Variants in SH3PXD2A observed in about 807,000 individuals in gnomAD.
SH3PXD2A encodes SH3 and PX domains 2A, also known as SH3 and PX domain-containing protein 2A.
In SH3PXD2A, 32 loss-of-function variants were observed where a neutral mutation model predicts 115.2. The ratio of observed to expected loss-of-function variants is 0.28; its 90% confidence interval spans 0.21 to 0.37. SH3PXD2A has a LOEUF of 0.37. SH3PXD2A is among the 10% of genes least tolerant of loss of function. The pLI, the probability that SH3PXD2A is intolerant of heterozygous loss-of-function variation, is 1.00. For missense variants in SH3PXD2A, 1,328 were observed against 1,498.7 expected (o/e 0.89, Z 1.88); for synonymous variants, 610 against 629.1 (o/e 0.97, Z 0.45).
intron 1 of SH3PXD2A, among the ~76,000 whole-genome samples, chr10:103,825,926 G>A (rs543576621): frequency 1.3e-5 from 2 of 152,142 alleles, no homozygotes; most frequent in South Asian, 2.1e-4. Flanking sequence ...ACCACGCCCG[G>A]CTAATTTTTT....
At position 103,701,882 on chromosome 10, in the gene SH3PXD2A, C is replaced by G. The variant is rs562008982; in HGVS notation, c.399-8826G>C. ...CATTTACCATCTATCCATCTATCAT[C>G]CATCCATCCATCCACCATCCAGCCA... On this transcript the variant is annotated intron_variant, in intron 5 of 14. Transcript: ENST00000369774. Among the ~76,000 whole-genome samples, 770 of 151,124 alleles carry G rather than the reference C, an allele frequency of 5.1e-3. 4 individuals are homozygous for G. The highest frequency in any genetic ancestry group is 9.5e-3 in the Non-Finnish European group (644 of 67,742).
intron 12 of SH3PXD2A, 138 bp from the exon 13 acceptor site, chr10:103,611,768 T>C: frequency 2.7e-6 from 2 of 730,436 alleles, no homozygotes; most frequent in Non-Finnish European, 4.9e-6. Flanking sequence ...GACTTGACAC[T>C]CTAAGTCACT....
At chr10:103,705,220 A>C (rs1372586862) in intron 5 of SH3PXD2A, among the ~76,000 whole-genome samples, 1 of 152,030 alleles carries the variant, frequency 6.6e-6, no homozygotes, top group Admixed American at 6.5e-5. Context: ...CTTCTACACC[A>C]AGGTAAAGCC....
chr10:103,751,064 A>G (rs1297822427), intron 3 of SH3PXD2A, among the ~76,000 whole-genome samples: 1 of 152,264 alleles, frequency 6.6e-6, no homozygotes, highest in Non-Finnish European at 1.5e-5. Context: ...AATGCAGAGT[A>G]TGCAAGGCAG....
At chr10:103,743,713 A>G (rs1324176019) in intron 3 of SH3PXD2A, among the ~76,000 whole-genome samples, 4 of 152,124 alleles carry the variant, frequency 2.6e-5, no homozygotes, top group East Asian at 1.9e-4. Flanking sequence ...AGACACCAAG[A>G]GGGTATGCCC....
chr10:103,828,452 CCCAA>C (rs1344298292), intron 1 of SH3PXD2A, among the ~76,000 whole-genome samples: 4 of 152,188 alleles, frequency 2.6e-5, no homozygotes, highest in African/African-American at 9.7e-5. Flanking sequence ...CCTGAGATAA[CCCAA>C]CCTAACTTTT....
At chr10:103,678,091 T>C in intron 6 of SH3PXD2A, 1 of 1,284,638 alleles carries the variant, frequency 7.8e-7, no homozygotes, top group South Asian at 1.2e-5. Context: ...CCCTAAGCAG[T>C]ACAGTCTCTG....
Position 103,800,057 on chromosome 10 carries a change from C to T in SH3PXD2A, c.153+1225G>A, listed in dbSNP as rs981370873. 4.6e-5 allele frequency among the ~76,000 whole-genome samples: 7 copies of T among 152,256 alleles called. No individual in the cohort carries two copies. In the East Asian group the frequency reaches 1.2e-3, roughly 25 times the overall value. On this transcript the variant is annotated intron_variant, in intron 2 of 14. Coordinates refer to ENST00000369774, the MANE Select transcript of SH3PXD2A (RefSeq NM_001394015.1). ...CTCCAAGATGACTGACAACCAAAGG[C>T]CTGCCAAGAAAGGAGTGGACCCTGG...
chr10:103,693,790 A>C (rs939816942), intron 5 of SH3PXD2A, among the ~76,000 whole-genome samples: 1 of 150,938 alleles, frequency 6.6e-6, no homozygotes, highest in Admixed American at 6.6e-5. Flanking sequence ...AGTGGGGGGG[A>C]CAGAGGATAC....
chr10:103,739,320 A>G (rs1013582223), intron 3 of SH3PXD2A, among the ~76,000 whole-genome samples: 5 of 152,226 alleles, frequency 3.3e-5, no homozygotes, highest in Non-Finnish European at 4.4e-5. Context: ...GCAAGGTCAG[A>G]GGAGAATTTC....
At chr10:103,737,284 G>A (rs889047078) in intron 3 of SH3PXD2A, among the ~76,000 whole-genome samples, 5 of 152,156 alleles carry the variant, frequency 3.3e-5, no homozygotes, top group African/African-American at 1.2e-4. Context: ...TTGAAGATGG[G>A]TTTTCATAAC....
chr10:103,804,466 C>A (rs1445488515), intron 1 of SH3PXD2A, among the ~76,000 whole-genome samples: 3 of 151,704 alleles, frequency 2.0e-5, no homozygotes, highest in African/African-American at 4.8e-5. Flanking sequence ...GGACTGCAGG[C>A]ACCCGCCACC....
At chr10:103,607,064 G>A (rs376056864) in intron 13 of SH3PXD2A, among the ~76,000 whole-genome samples, 2 of 150,614 alleles carry the variant, frequency 1.3e-5, no homozygotes, top group Non-Finnish European at 1.5e-5. Context: ...GCCTCTTCCC[G>A]GCCGCCATCC....
At chr10:103,754,027 A>G (rs1362057369) in intron 3 of SH3PXD2A, 1 of 152,212 alleles carries the variant, frequency 6.6e-6, no homozygotes, top group African/African-American at 2.4e-5. Context: ...ACAAGAGGCC[A>G]GGAGTAAAAA....
rs2038217938 is a variant in SH3PXD2A at position 103,724,492 on chromosome 10, G to A, written c.307-131C>T. 1.5e-5 allele frequency: 8 copies of A among 540,726 alleles called. No homozygotes were observed. The South Asian group carries it at 2.1e-4, about 14-fold the overall frequency. 33.5% of individuals were successfully genotyped at this position (540,726 alleles called of 1,614,324 possible). The stretch of plus-strand genomic sequence containing the variant: ...GAGCCATGGAAGACATGGTCAACCA[G>A]CCACCCACCTGTCCACCCAGAAAAC... On this transcript the variant is annotated intron_variant, in intron 4 of 14. Coordinates refer to ENST00000369774, the MANE Select transcript of SH3PXD2A (RefSeq NM_001394015.1).
At chr10:103,662,848 AG>A (rs1246667409) in intron 7 of SH3PXD2A, among the ~76,000 whole-genome samples, 11 of 152,154 alleles carry the variant, frequency 7.2e-5, no homozygotes, top group Admixed American at 5.9e-4. Context: ...TTTGTTGCCC[AG>A]GCTGGAATGC....
At chr10:103,819,140 T>A (rs1170563265) in intron 1 of SH3PXD2A, among the ~76,000 whole-genome samples, 2 of 152,352 alleles carry the variant, frequency 1.3e-5, no homozygotes, top group East Asian at 1.9e-4. Context: ...TGCTGGGCTC[T>A]GTGCTAGACA....
intron 6 of SH3PXD2A, among the ~76,000 whole-genome samples, chr10:103,681,806 T>C (rs180843235): frequency 1.6e-4 from 25 of 152,226 alleles, no homozygotes; most frequent in African/African-American, 5.3e-4. Context: ...CCAGATGCGG[T>C]GGCTCATATC....
At chr10:103,800,073 T>G (rs2039132968) in intron 2 of SH3PXD2A, among the ~76,000 whole-genome samples, 1 of 151,736 alleles carries the variant, frequency 6.6e-6, no homozygotes, top group South Asian at 2.1e-4. Flanking sequence ...AAGAAAGGAG[T>G]GGACCCTGGC....
Sources: allele counts gnomAD v4.1 joint callset (sites outside exome capture counted in the v4.1 genomes callset), GRCh38; gene constraint gnomAD v4.1.1; transcripts MANE v1.5; gene names NCBI Gene and HGNC (gene_info 2026-07-23, HGNC 2026-07-21).